Variants in KIAA1671 observed in about 807,000 individuals in gnomAD.
The protein encoded by KIAA1671 is uncharacterized protein KIAA1671.
A neutral mutation model predicts 131.2 loss-of-function variants in KIAA1671; 52 were observed. The observed-to-expected ratio is 0.40, with a 90% CI of 0.32 to 0.50. KIAA1671 has a LOEUF of 0.50. KIAA1671 is among the 20% of genes least tolerant of loss of function. The pLI is 0.73. For synonymous variants in KIAA1671, 1,003 were observed against 961.6 expected, an observed-to-expected ratio of 1.04 and a Z score of -0.80; for missense variants, 2,360 against 2,364.2, an observed-to-expected ratio of 1.00 and a Z score of 0.04.
intron 1 of KIAA1671, among the ~76,000 whole-genome samples, chr22:24,990,018 C>T (rs530624448): frequency 6.6e-6 from 1 of 152,208 alleles, no homozygotes; most frequent in South Asian, 2.1e-4. Flanking sequence ...CACCAGACGG[C>T]AGGAAAAGGA....
Position 25,099,345 on chromosome 22 carries a change from G to T in KIAA1671, c.4530+49981G>T, listed in dbSNP as rs536609947. Among the ~76,000 whole-genome samples the T allele has an allele frequency of 8.9e-4, 135 of 152,260 alleles. 1 individual carries two copies. The highest frequency in any genetic ancestry group is 3.1e-3 in the African/African-American group (130 of 41,550). ...TAGCAAGGAGCTGGAGGGCCAGGCA[G>T]TCAGACTTTGGAGCCCTGCCCTAAA... On this transcript the variant is annotated intron_variant, in intron 6 of 12. Coordinates refer to ENST00000358431, the MANE Select transcript of KIAA1671 (RefSeq NM_001145206.2).
chr22:24,960,381 A>C (rs1462902060), intron 1 of KIAA1671, among the ~76,000 whole-genome samples: 3 of 151,174 alleles, frequency 2.0e-5, no homozygotes, highest in Non-Finnish European at 4.4e-5. Flanking sequence ...CCCCATCTCT[A>C]CTAAAAATAC....
chr22:25,127,375 A>C (rs1226679344), intron 6 of KIAA1671, among the ~76,000 whole-genome samples: 1 of 152,180 alleles, frequency 6.6e-6, no homozygotes, highest in African/African-American at 2.4e-5. Flanking sequence ...TAAGAGGGTT[A>C]AGCCTCTTCT....
intron 6 of KIAA1671, among the ~76,000 whole-genome samples, chr22:25,084,367 C>T (rs1601295420): frequency 1.3e-5 from 2 of 149,160 alleles, no homozygotes; most frequent in Admixed American, 1.4e-4. Flanking sequence ...CCCAGCTACT[C>T]AGGAGGCTGA....
In KIAA1671 at chr22:25,181,703, G is replaced by T. The variant is rs1934280674; in HGVS notation, c.5079G>T (p.Glu1693Asp). The change falls in exon 10 of 13, where the codon GAG (glutamate) becomes GAT (aspartate). Residue 1693 changes from glutamate (E) to aspartate (D), a missense_variant. Coordinates refer to ENST00000358431, the MANE Select transcript of KIAA1671 (RefSeq NM_001145206.2). ...GTGCCCTTTTCTTTGCAACAGAGGA[G>T]AAATCACCCAGGAAGGAGGAGTCGG... The part of the protein sequence containing the change: ...NTWMFKDSTE[E>D]KSPRKEESDE... 6 of 1,551,594 alleles carry T rather than the reference G, an allele frequency of 3.9e-6. No homozygotes were observed. Among genetic ancestry groups the T allele is most frequent in the Non-Finnish European group, 5.2e-6 (6 of 1,146,934 alleles).
chr22:24,998,704 C>T (rs1488953259), intron 1 of KIAA1671, among the ~76,000 whole-genome samples: 5 of 133,698 alleles, frequency 3.7e-5, no homozygotes, highest in Non-Finnish European at 7.7e-5. Context: ...GGCGACAGAG[C>T]GAGACTCTGT....
At chr22:24,974,818 G>A (rs5752032) in intron 1 of KIAA1671, among the ~76,000 whole-genome samples, 3 of 149,492 alleles carry the variant, frequency 2.0e-5, no homozygotes, top group Non-Finnish European at 3.0e-5. Context: ...TCAGCCTCCC[G>A]AGTAGCTGGG....
intron 6 of KIAA1671, among the ~76,000 whole-genome samples, chr22:25,078,398 G>A (rs1244939562): frequency 6.6e-6 from 1 of 152,160 alleles, no homozygotes; most frequent in Non-Finnish European, 1.5e-5. Context: ...GTATAATGGT[G>A]TACGCCTATA....
chr22:25,172,741 C>A (rs529433685), intron 7 of KIAA1671, among the ~76,000 whole-genome samples: 1 of 152,224 alleles, frequency 6.6e-6, no homozygotes, highest in East Asian at 1.9e-4. Flanking sequence ...TTACATTATT[C>A]CAATGACCCA....
intron 1 of KIAA1671, among the ~76,000 whole-genome samples, chr22:25,021,233 T>C (rs1278488531): frequency 6.6e-6 from 1 of 151,996 alleles, no homozygotes; most frequent in Non-Finnish European, 1.5e-5. Flanking sequence ...AATTTTTGTA[T>C]TTTTTAGTAG....
chr22:25,079,428 T>C (rs751145874), intron 6 of KIAA1671, among the ~76,000 whole-genome samples: 1 of 152,080 alleles, frequency 6.6e-6, no homozygotes, highest in Non-Finnish European at 1.5e-5. Flanking sequence ...ACAATGGGTA[T>C]GTGTAAGAAC....
chr22:25,093,824 TTCTCTCTCTGTCTGTCTCTCTCTCTC>T lies in KIAA1671; in HGVS notation c.4530+44470_4530+44495del, dbSNP rs1930243233. Among the ~76,000 whole-genome samples the T allele has an allele frequency of 1.9e-3, 42 of 21,854 alleles. 3 individuals carry two copies. Among genetic ancestry groups the T allele is most frequent in the African/African-American group, 5.8e-3 (21 of 3,624 alleles). 14.3% of individuals were successfully genotyped at this position (21,854 alleles called of 152,430 possible). A position where few individuals can be genotyped will look rare whatever the true frequency, so the allele number is the denominator to read the frequency against. Reference sequence around the variant, plus strand: ...TCTCTCTCTCTCTGTCTCTCTCTCTTTCTCTCTCTGTCTGTCTCTCTCTCTCTCTCTCTCTCTCTCTCTCTCTCTCT... The same window carrying T: ...TCTCTCTCTCTCTGTCTCTCTCTCTTTCTCTCTCTCTCTCTCTCTCTCTCT... On this transcript the variant is annotated intron_variant, in intron 6 of 12. Transcript: ENST00000358431.
chr22:25,106,965 CTG>C (rs1271937043), intron 6 of KIAA1671, among the ~76,000 whole-genome samples: 1 of 152,172 alleles, frequency 6.6e-6, no homozygotes. Flanking sequence ...AAAGGAATTC[CTG>C]TGTGTGGAAC....
chr22:25,089,148 A>G (rs945671011), intron 6 of KIAA1671, among the ~76,000 whole-genome samples: 2 of 151,906 alleles, frequency 1.3e-5, no homozygotes, highest in South Asian at 2.1e-4. Flanking sequence ...TGTAGGTCCC[A>G]TGCAAATACT....
At chr22:25,021,525 G>C (rs1418925115) in intron 1 of KIAA1671, among the ~76,000 whole-genome samples, 1 of 148,938 alleles carries the variant, frequency 6.7e-6, no homozygotes, top group Non-Finnish European at 1.5e-5. Flanking sequence ...CATGGGAACA[G>C]GGTTTTCTAT....
At chr22:25,081,403 A>G (rs567291061) in intron 6 of KIAA1671, among the ~76,000 whole-genome samples, 2 of 152,138 alleles carry the variant, frequency 1.3e-5, no homozygotes, top group East Asian at 3.9e-4. Flanking sequence ...ACGATGAGAA[A>G]CTCCCTGTCT....
chr22:25,110,371 T>A (rs1372148757), intron 6 of KIAA1671, among the ~76,000 whole-genome samples: 1 of 152,154 alleles, frequency 6.6e-6, no homozygotes, highest in Non-Finnish European at 1.5e-5. Context: ...GTACTTGGTG[T>A]CCGAACAATA....
At chr22:25,016,931 T>C (rs1925357865) in intron 1 of KIAA1671, among the ~76,000 whole-genome samples, 1 of 152,204 alleles carries the variant, frequency 6.6e-6, no homozygotes, top group African/African-American at 2.4e-5. Flanking sequence ...CAGAGCAGGA[T>C]TGGCCTATAG....
intron 3 of KIAA1671, among the ~76,000 whole-genome samples, chr22:25,031,353 C>T (rs111244225): frequency 0.022 from 3,407 of 152,254 alleles, 138 homozygotes; most frequent in African/African-American, 0.078. Context: ...TCAGCCACCA[C>T]GCCCAGCTAA....
Sources: allele counts gnomAD v4.1 joint callset (sites outside exome capture counted in the v4.1 genomes callset), GRCh38; gene constraint gnomAD v4.1.1; transcripts MANE v1.5; gene names NCBI Gene and HGNC (gene_info 2026-07-23, HGNC 2026-07-21).